The following ARHGAP9 variants were observed in gnomAD, a reference collection of about 807,000 sequenced individuals.
ARHGAP9 encodes the protein rho GTPase-activating protein 9.
In ARHGAP9, 76 loss-of-function variants were observed where a neutral mutation model predicts 87.3. That is an observed-to-expected ratio of 0.87 (90% CI 0.72 to 1.05). The LOEUF is 1.05. Ranked by LOEUF, ARHGAP9 falls within the 50% of genes least tolerant of loss-of-function variation. The pLI is 0.00. For synonymous variants in ARHGAP9, 382 were observed against 394.9 expected, an observed-to-expected ratio of 0.97 and a Z score of 0.39; for missense variants, 941 against 960.5, an observed-to-expected ratio of 0.98 and a Z score of 0.27.
At chr12:57,488,743 C>T in exon 1 of ARHGAP9, 1 of 1,306,252 alleles carries the variant, frequency 7.7e-7, no homozygotes. Context: ...TACTTTCAGT[C>T]GTTAAGTTCT....
Position 57,476,964 on chromosome 12 carries a change from C to T in ARHGAP9, c.871-1G>A. 6.2e-7 allele frequency: 1 copy of T among 1,605,932 alleles called. No individual in the cohort carries two copies. Among genetic ancestry groups the T allele is most frequent in the Non-Finnish European group, 8.5e-7 (1 of 1,177,624 alleles). On this transcript the variant is annotated splice_acceptor_variant, in intron 5 of 17. Coordinates refer to ENST00000393791, the MANE Select transcript of ARHGAP9 (RefSeq NM_032496.4). LOFTEE classifies it high-confidence loss of function. ...TGCGTTGGCTGAGGCTGAGTGAACC[C>T]TAGGGGAGAGGATTGGAGAAACAGG...
At chr12:57,477,702 G>C in intron 3 of ARHGAP9, 22 bp from the exon 4 acceptor site, 1 of 1,607,374 alleles carries the variant, frequency 6.2e-7, no homozygotes, top group Non-Finnish European at 8.5e-7. Context: ...GGGGGAAGAA[G>C]GAGGTGGTCA....
intron 3 of ARHGAP9, chr12:57,478,140 G>A (rs1268944731): frequency 6.0e-6 from 2 of 330,846 alleles, no homozygotes; most frequent in Non-Finnish European, 1.1e-5. Flanking sequence ...AGCCTATCAG[G>A]CAAGCAGAAC....
chr12:57,474,789 T>C, intron 13 of ARHGAP9, 86 bp from the exon 14 acceptor site: 2 of 1,603,360 alleles, frequency 1.2e-6, no homozygotes, highest in South Asian at 2.2e-5. Context: ...AAAAGGGCAG[T>C]AGGAAGACTA....
rs542158044 is a variant in ARHGAP9 at position 57,488,315 on chromosome 12, C to T, written c.-204+297G>A. 9.3e-5 allele frequency: 87 copies of T among 930,880 alleles called. No individual in the cohort carries two copies. The African/African-American group carries it at 1.2e-3, about 13-fold the overall frequency. 57.7% of individuals were successfully genotyped at this position (930,880 alleles called of 1,614,324 possible). A position where few individuals can be genotyped will look rare whatever the true frequency, so the allele number is the denominator to read the frequency against. ...CCTCGCCACACACCCCAATCGACCA[C>T]TTCTCCTATTATCCTTGATCACTCC... On this transcript the variant is annotated intron_variant, in intron 1 of 20. Coordinates refer to the ARHGAP9 transcript ENST00000393797.
rs1376157643 is a variant in ARHGAP9 at position 57,475,568 on chromosome 12, C to T, written c.1359G>A (p.Ala453=). The T allele has an allele frequency of 6.2e-7, 1 of 1,611,050 alleles. No homozygotes were observed. ...LELRLSGSGP[A]ELSAGEDEEE... Reference sequence around the variant, plus strand: ...CTTCGTCCTCCCCGGCGCTCAGCTCCGCGGGTCCAGAGCCCGACAGACGCA... The same window carrying T: ...CTTCGTCCTCCCCGGCGCTCAGCTCTGCGGGTCCAGAGCCCGACAGACGCA... Residue 453 remains alanine (A), a synonymous_variant, in exon 11 of 18, where the codon GCG becomes GCA. Transcript: ENST00000393791.
At chr12:57,476,726 T>C (rs1873838633) in intron 6 of ARHGAP9, 75 bp from the exon 7 acceptor site, 1 of 1,591,212 alleles carries the variant, frequency 6.3e-7, no homozygotes, top group Non-Finnish European at 8.6e-7. Flanking sequence ...CTAGGGGGTC[T>C]CCCAGGAGTG....
chr12:57,475,286 C>G lies in ARHGAP9; in HGVS notation c.1552+5G>C. On this transcript the variant is annotated splice_donor_5th_base_variant and intron_variant, in intron 12 of 17. Coordinates refer to ENST00000393791, the MANE Select transcript of ARHGAP9 (RefSeq NM_032496.4). ...TTATCCATGAACCTGGCCCAGCCCC[C>G]TCACCTCGGAGCAGACCCCGCTCCT... 6.3e-7 allele frequency: 1 copy of G among 1,581,328 alleles called. No individual in the cohort carries two copies. Among genetic ancestry groups the G allele is most frequent in the South Asian group, 1.2e-5 (1 of 86,862 alleles).
exon 1 of ARHGAP9, chr12:57,488,741 G>C: frequency 7.6e-7 from 1 of 1,312,980 alleles, no homozygotes; most frequent in South Asian, 1.3e-5. Context: ...GTTACTTTCA[G>C]TCGTTAAGTT....
intron 1 of ARHGAP9, among the ~76,000 whole-genome samples, chr12:57,485,417 A>G (rs928282729): frequency 9.2e-5 from 14 of 151,664 alleles, no homozygotes; most frequent in Non-Finnish European, 1.8e-4. Context: ...TTAGCCGGGC[A>G]TGGTGGCAGG....
rs568213915 is a variant in ARHGAP9 at position 57,479,607 on chromosome 12, T to C, written c.-19+123A>G. The stretch of plus-strand genomic sequence containing the variant: ...ACAGGTTTTGGGGGCTGAGAACTCC[T>C]GGTGGTGTCTGGTGAGGAAGTATGT... On this transcript the variant is annotated intron_variant, in intron 1 of 17. Coordinates refer to ENST00000393791, the MANE Select transcript of ARHGAP9 (RefSeq NM_032496.4). The C allele has an allele frequency of 2.6e-6, 4 of 1,538,436 alleles. No homozygotes were observed. In the South Asian group the frequency reaches 3.7e-5, roughly 14 times the overall value.
Position 57,478,668 on chromosome 12 carries a change from G to T in ARHGAP9, c.406C>A (p.Pro136Thr), listed in dbSNP as rs762758248. Residue 136 changes from proline to threonine, a missense_variant, in exon 3 of 18, where the codon CCC becomes ACC. By Grantham distance (38) the Pro-to-Thr change is conservative. Transcript: ENST00000393791. ...QASSEQPPPL[P>T]RKMCRSVSTD... The stretch of plus-strand genomic sequence containing the variant: ...CTGACGCTCCTACACATTTTGCGGG[G>T]AAGTGGAGGAGGCTGCTCCGAGCTA... 3.3e-5 allele frequency: 53 copies of T among 1,614,082 alleles called. No homozygotes were observed. The South Asian group carries it at 5.0e-4, about 15-fold the overall frequency.
chr12:57,475,841 C>T lies in ARHGAP9; in HGVS notation c.1303G>A (p.Glu435Lys). ...GCCTCCACCCATCTAACCAGCCGCT[C>T]GATGACAGTCCGCAGCGCGCGGTGC... ...AWHRALRTVIERLDRENPLEL... is the reference protein window; with the variant it reads ...AWHRALRTVIKRLDRENPLEL... Residue 435 changes from glutamate (E) to lysine (K), a missense_variant, in exon 10 of 18, where the codon GAG becomes AAG. Coordinates refer to ENST00000393791, the MANE Select transcript of ARHGAP9 (RefSeq NM_032496.4). The T allele has an allele frequency of 6.2e-7, 1 of 1,613,824 alleles. No individual in the cohort carries two copies. The highest frequency in any genetic ancestry group is 8.5e-7 in the Non-Finnish European group (1 of 1,179,862).
intron 17 of ARHGAP9, 50 bp from the exon 18 acceptor site, chr12:57,472,738 C>G: frequency 1.3e-6 from 2 of 1,587,046 alleles, no homozygotes; most frequent in Non-Finnish European, 1.7e-6. Context: ...CTTGCCACTT[C>G]ATAGCAATCT....
At chr12:57,488,776 C>A in exon 1 of ARHGAP9, 1 of 963,476 alleles carries the variant, frequency 1.0e-6, no homozygotes, top group Non-Finnish European at 1.6e-6. Context: ...TATCCCAATA[C>A]CACCACCTCC....
chr12:57,474,351 T>C (rs1469958700), intron 15 of ARHGAP9, 72 bp downstream of exon 15: 4 of 1,596,270 alleles, frequency 2.5e-6, no homozygotes, highest in East Asian at 2.2e-5. Context: ...GAATAGTACA[T>C]GGGGGTTTCC....
chr12:57,485,347 G>A (rs1241592111), intron 1 of ARHGAP9, among the ~76,000 whole-genome samples: 1 of 151,808 alleles, frequency 6.6e-6, no homozygotes, highest in Non-Finnish European at 1.5e-5. Context: ...CCTGAGTTCA[G>A]GAGTTTGAGA....
chr12:57,476,794 A>G, intron 6 of ARHGAP9, 77 bp downstream of exon 6: 4 of 861,400 alleles, frequency 4.6e-6, no homozygotes, highest in Non-Finnish European at 7.1e-6. Flanking sequence ...AAAGAGGAAG[A>G]TGTTTATGTG....
intron 13 of ARHGAP9, 67 bp downstream of exon 13, chr12:57,474,808 G>A: frequency 1.2e-6 from 2 of 1,605,238 alleles, no homozygotes; most frequent in Non-Finnish European, 1.7e-6. Flanking sequence ...TAGGTAGAAT[G>A]GGGGAGGCAG....
Sources: allele counts gnomAD v4.1 joint callset (sites outside exome capture counted in the v4.1 genomes callset), GRCh38; gene constraint gnomAD v4.1.1; transcripts MANE v1.5; gene names NCBI Gene and HGNC (gene_info 2026-07-23, HGNC 2026-07-21).